The following PXDN variants were observed in gnomAD, a reference collection of about 807,000 sequenced individuals.
PXDN encodes peroxidasin homolog.
A neutral mutation model predicts 140.3 loss-of-function variants in PXDN; 77 were observed. The ratio of observed to expected loss-of-function variants is 0.55; its 90% CI spans 0.46 to 0.66. The LOEUF is 0.66. Ranked by LOEUF, PXDN falls within the 30% of genes least tolerant of loss-of-function variation. The probability of loss-of-function intolerance (pLI) is 0.00; values close to 1 mark genes in which losing one functional copy is unlikely to be tolerated. For missense variants in PXDN, 1,838 were observed against 2,039.5 expected (o/e 0.90, Z 1.90); for synonymous variants, 911 against 857.4 (o/e 1.06, Z -1.09).
At chr2:1,679,092 G>A (rs747842267) in intron 7 of PXDN, among the ~76,000 whole-genome samples, 6 of 76,620 alleles carry the variant, frequency 7.8e-5, no homozygotes, top group African/African-American at 3.5e-4. Flanking sequence ...GCATGCATGT[G>A]TGTGTGTGTG....
At chr2:1,705,876 T>C (rs1684590846) in intron 1 of PXDN, among the ~76,000 whole-genome samples, 1 of 151,888 alleles carries the variant, frequency 6.6e-6, no homozygotes, top group South Asian at 2.1e-4. Flanking sequence ...ACGCGTGGAG[T>C]GTCACCAGCC....
At chr2:1,697,630 C>T (rs549872267) in intron 1 of PXDN, among the ~76,000 whole-genome samples, 1 of 152,240 alleles carries the variant, frequency 6.6e-6, no homozygotes, top group African/African-American at 2.4e-5. Context: ...GAAAAACTTC[C>T]CCCAAATTTT....
Position 1,720,653 on chromosome 2 carries a change from C to CTCTCTCTGCATGTCTT in PXDN, c.200+23602_200+23603insAAGACATGCAGAGAGA, listed in dbSNP as rs1203161786. On this transcript the variant is annotated intron_variant, in intron 1 of 22. Coordinates refer to ENST00000252804, the MANE Select transcript of PXDN (RefSeq NM_012293.3). The stretch of plus-strand genomic sequence containing the variant: ...TTTCTCTCTCTCTGCATCTCTTTCT[C>CTCTCTCTGCATGTCTT]TCTCTCTGCATCTCTTTCTCTCTGC... Among the ~76,000 whole-genome samples the CTCTCTCTGCATGTCTT allele has an allele frequency of 1.5e-3, 225 of 151,938 alleles. 2 individuals are homozygous for CTCTCTCTGCATGTCTT. The highest frequency in any genetic ancestry group is 5.2e-3 in the African/African-American group (214 of 41,412).
intron 6 of PXDN, among the ~76,000 whole-genome samples, chr2:1,681,382 G>A (rs1683900791): frequency 6.6e-6 from 1 of 150,808 alleles, no homozygotes; most frequent in Non-Finnish European, 1.5e-5. Flanking sequence ...CTAAATTTTT[G>A]TGGCCATGTA....
At position 1,648,102 on chromosome 2, in the gene PXDN, C is replaced by T. The variant is rs1682895756; in HGVS notation, c.3608+70G>A. 11 of 1,530,038 alleles carry T rather than the reference C, an allele frequency of 7.2e-6. No individual in the cohort carries two copies. Among genetic ancestry groups the T allele is most frequent in the South Asian group, 2.5e-5 (2 of 80,482 alleles). 94.8% of individuals were successfully genotyped at this position (1,530,038 alleles called of 1,614,324 possible). A position where few individuals can be genotyped will look rare whatever the true frequency, so the allele number is the denominator to read the frequency against. On this transcript the variant is annotated intron_variant, in intron 17 of 22. Coordinates refer to ENST00000252804, the MANE Select transcript of PXDN (RefSeq NM_012293.3). This position sits in a 1 kb window ranked among gnomAD's most constrained non-coding sequence, Gnocchi z 8.9. ...AACTCACACACAGAGACAAATAACA[C>T]ACACACCACAGTTCAGGTGTTCCAG... is the stretch of plus-strand genomic sequence containing the variant.
At chr2:1,686,379 A>G (rs1684057321) in intron 4 of PXDN, among the ~76,000 whole-genome samples, 1 of 152,040 alleles carries the variant, frequency 6.6e-6, no homozygotes, top group Admixed American at 6.5e-5. Context: ...GCAAACATCT[A>G]CTTGGTGATT....
intron 1 of PXDN, among the ~76,000 whole-genome samples, chr2:1,739,495 T>C (rs1685492020): frequency 6.6e-6 from 1 of 152,126 alleles, no homozygotes; most frequent in African/African-American, 2.4e-5. Context: ...GAAGGCAAGA[T>C]CTAACAATAG....
chr2:1,710,460 G>A (rs1182082825), intron 1 of PXDN, among the ~76,000 whole-genome samples: 4 of 151,640 alleles, frequency 2.6e-5, no homozygotes, highest in East Asian at 3.9e-4. Context: ...ATGAGCACCC[G>A]TTCCACCAGC....
intron 1 of PXDN, among the ~76,000 whole-genome samples, chr2:1,698,117 G>A (rs1461502757): frequency 6.6e-6 from 1 of 152,136 alleles, no homozygotes; most frequent in African/African-American, 2.4e-5. Context: ...TAAAGCCTGG[G>A]GCCCTAAACC....
At chr2:1,707,657 G>A (rs1684649414) in intron 1 of PXDN, among the ~76,000 whole-genome samples, 1 of 152,132 alleles carries the variant, frequency 6.6e-6, no homozygotes. Context: ...TGTCAAAGAC[G>A]CAATAACTAC....
intron 3 of PXDN, among the ~76,000 whole-genome samples, chr2:1,689,586 C>A (rs914027760): frequency 3.0e-4 from 45 of 152,228 alleles, no homozygotes; most frequent in African/African-American, 1.1e-3. Context: ...AGTTTGAGAT[C>A]AGCCTGACCA....
At chr2:1,667,018 A>G (rs1245741266) in intron 9 of PXDN, among the ~76,000 whole-genome samples, 1 of 152,200 alleles carries the variant, frequency 6.6e-6, no homozygotes, top group African/African-American at 2.4e-5. Flanking sequence ...GAACTCTCCC[A>G]TGCTGGCAGT....
intron 3 of PXDN, among the ~76,000 whole-genome samples, chr2:1,689,060 G>A (rs193194736): frequency 1.3e-5 from 2 of 152,072 alleles, no homozygotes; most frequent in African/African-American, 2.4e-5. Flanking sequence ...CAGCGACCGA[G>A]AGCCCAGTGC....
rs561931936 is a variant in PXDN, at chr2:1,673,595, G to A, written c.1018+48C>T. 7 of 1,569,818 alleles carry A rather than the reference G, an allele frequency of 4.5e-6. No homozygotes were observed. In the African/African-American group the frequency reaches 9.5e-5, roughly 21 times the overall value. ...AGGAAAGGAGAAGGCAGATAGTGAGGGACGACAATTCTGGATGGAACCCCG... is the reference window on the plus strand; with the variant it reads ...AGGAAAGGAGAAGGCAGATAGTGAGAGACGACAATTCTGGATGGAACCCCG... On this transcript the variant is annotated intron_variant, in intron 9 of 22. Transcript: ENST00000252804.
chr2:1,635,360 G>A (rs1439367824), intron 22 of PXDN, 48 bp downstream of exon 22: 32 of 1,497,042 alleles, frequency 2.1e-5, no homozygotes, highest in South Asian at 3.6e-5. Flanking sequence ...TGGGACTCTC[G>A]GACTTGCGTA....
chr2:1,702,076 T>C (rs542602487), intron 1 of PXDN, among the ~76,000 whole-genome samples: 3 of 152,238 alleles, frequency 2.0e-5, no homozygotes, highest in South Asian at 2.1e-4. Flanking sequence ...CTAATACCAT[T>C]AATGAGATCA....
chr2:1,693,432 A>G (rs939027187), intron 1 of PXDN, among the ~76,000 whole-genome samples: 1 of 152,214 alleles, frequency 6.6e-6, no homozygotes, highest in African/African-American at 2.4e-5. Context: ...TGTCGTGTCG[A>G]TAAGTCTTAG....
At chr2:1,715,080 C>T (rs1684864586) in intron 1 of PXDN, among the ~76,000 whole-genome samples, 1 of 152,072 alleles carries the variant, frequency 6.6e-6, no homozygotes. Flanking sequence ...AAAAATAATC[C>T]AAAACTTCTT....
chr2:1,646,749 T>C (rs1171680008), intron 17 of PXDN, among the ~76,000 whole-genome samples: 1 of 152,214 alleles, frequency 6.6e-6, no homozygotes, highest in Non-Finnish European at 1.5e-5. Flanking sequence ...AAGACAGTCT[T>C]AAGAAGAAAG....
Sources: allele counts gnomAD v4.1 joint callset (sites outside exome capture counted in the v4.1 genomes callset), GRCh38; gene constraint gnomAD v4.1.1; non-coding constraint Gnocchi (gnomAD v3.1); transcripts MANE v1.5; gene names NCBI Gene and HGNC (gene_info 2026-07-23, HGNC 2026-07-21).